The following MAP4 variants were observed in gnomAD, a reference collection of about 807,000 sequenced individuals.
MAP4 encodes the protein microtubule associated protein 4.
MAP4 carries 76 observed loss-of-function variants against 170.2 expected under a neutral mutation model. The observed-to-expected ratio is 0.45, with a 90% CI of 0.37 to 0.54. The LOEUF (loss-of-function observed/expected upper bound fraction) is 0.54. Among genes scored for constraint, MAP4 ranks in the 20% least tolerant of loss-of-function variants. The pLI is 0.00. For synonymous variants in MAP4, 909 were observed against 994.5 expected, an observed-to-expected ratio of 0.91 and a Z score of 1.62; for missense variants, 2,506 against 2,748.0, an observed-to-expected ratio of 0.91 and a Z score of 1.97.
At chr3:47,986,086 T>C (rs1486582147) in intron 2 of MAP4, among the ~76,000 whole-genome samples, 1 of 152,156 alleles carries the variant, frequency 6.6e-6, no homozygotes, top group Non-Finnish European at 1.5e-5. Context: ...GGGTACATGG[T>C]AGGTTCTTGG....
rs2100030923 is a variant in MAP4 at position 47,902,951 on chromosome 3, A to T, written c.5433T>A (p.Tyr1811Ter). Residue 1811 changes from tyrosine (Y) to a stop codon, truncating the protein, a stop_gained and splice_region_variant, in exon 10 of 21, where the codon TAT (tyrosine) becomes TAA (stop). Transcript: ENST00000683076. LOFTEE classifies it high-confidence loss of function. ...TVYQQLGMSVYGIARPEEGRP... is the reference protein window; with the variant it reads ...TVYQQLGMSV ...TTTCACACCAAGAGAGTTTCTCACCATAAACTGACATTCCCAGCTGCTGGT... is the reference window on the plus strand; with the variant it reads ...TTTCACACCAAGAGAGTTTCTCACCTTAAACTGACATTCCCAGCTGCTGGT... The T allele has an allele frequency of 1.0e-6, 1 of 984,944 alleles. No individual in the cohort carries two copies. Among genetic ancestry groups the T allele is most frequent in the Non-Finnish European group, 1.2e-6 (1 of 829,590 alleles). 61.0% of individuals were successfully genotyped at this position (984,944 alleles called of 1,614,324 possible).
chr3:47,869,239 C>T lies in MAP4; in HGVS notation c.6383G>A (p.Ser2128Asn), dbSNP rs1217836618. 6 of 1,613,770 alleles carry T rather than the reference C, an allele frequency of 3.7e-6. No homozygotes were observed. The highest frequency in any genetic ancestry group is 2.7e-5 in the African/African-American group (2 of 74,910). ...TTTCCCCGCAGGTTGTTTCTGTGCACTTGCAATTGGGCCGGCTGTTTTAGT... is the reference window on the plus strand; with the variant it reads ...TTTCCCCGCAGGTTGTTTCTGTGCATTTGCAATTGGGCCGGCTGTTTTAGT... ...AVTKTAGPIA[S>N]AQKQPAGKVQ... Residue 2128 changes from serine (S) to asparagine (N), a missense_variant, in exon 16 of 21, where the codon AGT becomes AAT. Physicochemically the swap from Ser to Asn is conservative, Grantham distance 46. Transcript: ENST00000683076.
intron 2 of MAP4, among the ~76,000 whole-genome samples, chr3:47,983,749 GC>G (rs2100086862): frequency 2.0e-5 from 3 of 152,006 alleles, no homozygotes; most frequent in African/African-American, 7.2e-5. Context: ...AAACTCCTGG[GC>G]TCAAGTGGTA....
chr3:48,028,970 C>T (rs2100114516), intron 1 of MAP4, among the ~76,000 whole-genome samples: 1 of 151,786 alleles, frequency 6.6e-6, no homozygotes, highest in Non-Finnish European at 1.5e-5. Flanking sequence ...TGGTGAACCC[C>T]TGCCTCGATA....
Position 47,911,549 on chromosome 3 carries a change from C to T in MAP4, c.2872G>A (p.Gly958Ser). 1 of 1,535,978 alleles carries T rather than the reference C, an allele frequency of 6.5e-7. No homozygotes were observed. Among genetic ancestry groups the T allele is most frequent in the East Asian group, 2.4e-5 (1 of 40,912 alleles). ...GCTGCTGTGGGTTTTGAAACTACAC[C>T]CATAACCTCTTGGTCCAAGAAAGGA... ...CSPFLDQEVM[G>S]VVSKPTAAKE... Residue 958 changes from glycine to serine, a missense_variant, in exon 9 of 21, where the codon GGT becomes AGT. Coordinates refer to ENST00000683076, the MANE Select transcript of MAP4 (RefSeq NM_001385682.1). The surrounding 1 kb of genome is among the most constrained non-coding windows in gnomAD (Gnocchi z 4.0).
rs59915035 is a variant in MAP4, at chr3:47,997,707, C to CAAAGAAAGAAAGAAAGAAAGAAAGAAAG, written c.223+903_223+930dup. 3.3e-5 allele frequency among the ~76,000 whole-genome samples: 5 copies of CAAAGAAAGAAAGAAAGAAAGAAAGAAAG among 149,798 alleles called. No individual in the cohort carries two copies. The East Asian group carries it at 9.7e-4, about 29-fold the overall frequency. ...TTGATAAACCTCTACCTAGACTTAT[C>CAAAGAAAGAAAGAAAGAAAGAAAGAAAG]AAAGAAAGAAAGAAAGAAAGAAAGA... is the stretch of plus-strand genomic sequence containing the variant. On this transcript the variant is annotated intron_variant, in intron 2 of 20. Coordinates refer to ENST00000683076, the MANE Select transcript of MAP4 (RefSeq NM_001385682.1).
intron 10 of MAP4, chr3:47,892,481 GA>G (rs957097820): frequency 6.5e-7 from 1 of 1,528,976 alleles, no homozygotes; most frequent in Non-Finnish European, 8.7e-7. Context: ...CTGCTTGTCT[GA>G]GAGCGACATC....
intron 2 of MAP4, among the ~76,000 whole-genome samples, chr3:47,983,298 T>C (rs1196658652): frequency 6.6e-6 from 1 of 152,150 alleles, no homozygotes; most frequent in Non-Finnish European, 1.5e-5. Flanking sequence ...AACCTCAAAA[T>C]GCTGGGTTCA....
chr3:48,071,743 G>C (rs1391853739), intron 1 of MAP4, among the ~76,000 whole-genome samples: 2 of 150,996 alleles, frequency 1.3e-5, no homozygotes, highest in Non-Finnish European at 3.0e-5. Flanking sequence ...GGGCTAATGT[G>C]GTGAAACCCC....
chr3:47,965,906 T>C (rs2100074603), intron 3 of MAP4, among the ~76,000 whole-genome samples: 1 of 152,186 alleles, frequency 6.6e-6, no homozygotes, highest in South Asian at 2.1e-4. Context: ...TGTTTTTTCT[T>C]TTGTCGTCTG....
chr3:48,028,747 A>G (rs1250763153), intron 1 of MAP4, among the ~76,000 whole-genome samples: 4 of 148,222 alleles, frequency 2.7e-5, no homozygotes, highest in South Asian at 2.2e-4. Context: ...ACTCCAGCCT[A>G]GGCAACAGAG....
chr3:47,895,592 C>T (rs1052923804), intron 10 of MAP4, among the ~76,000 whole-genome samples: 9 of 152,180 alleles, frequency 5.9e-5, no homozygotes, highest in Admixed American at 4.6e-4. Context: ...TGGAAAATAC[C>T]AAGGCAAAGA....
rs761397135 is a variant in MAP4, at chr3:47,851,282, AG to A, written c.*1651del. 7.4e-4 allele frequency: 112 copies of A among 152,336 alleles called. No individual in the cohort carries two copies. The highest frequency in any genetic ancestry group is 1.5e-3 in the Non-Finnish European group (104 of 68,042). 9.4% of individuals were successfully genotyped at this position (152,336 alleles called of 1,614,324 possible). The stretch of plus-strand genomic sequence containing the variant: ...TTTCCTGGTGTGTGCTTGGGGAGCT[AG>A]GGACATGGTGTCAAACCTCCACAAG... On this transcript the variant is annotated 3_prime_UTR_variant, in exon 21 of 21. Transcript: ENST00000683076.
At chr3:47,906,307 T>C (rs1559994811) in intron 9 of MAP4, among the ~76,000 whole-genome samples, 1 of 152,064 alleles carries the variant, frequency 6.6e-6, no homozygotes, top group Non-Finnish European at 1.5e-5. Context: ...CACATGAAGA[T>C]GACATCCTAT....
At chr3:47,981,796 A>G (rs944964863) in intron 2 of MAP4, among the ~76,000 whole-genome samples, 2 of 151,954 alleles carry the variant, frequency 1.3e-5, no homozygotes, top group Non-Finnish European at 2.9e-5. Flanking sequence ...ATTCCCATAT[A>G]TTTACCTATG....
intron 3 of MAP4, among the ~76,000 whole-genome samples, chr3:47,963,631 G>T (rs1041458988): frequency 6.6e-6 from 1 of 152,186 alleles, no homozygotes; most frequent in East Asian, 1.9e-4. Context: ...GAAACAAATA[G>T]ATATTAAAGA....
At chr3:47,891,977 G>A in intron 10 of MAP4, 1 of 1,536,298 alleles carries the variant, frequency 6.5e-7, no homozygotes, top group Non-Finnish European at 8.7e-7. Context: ...ATATCTGGTA[G>A]GGATGTCAGC....
intron 3 of MAP4, among the ~76,000 whole-genome samples, chr3:47,934,846 C>T (rs1559514848): frequency 6.6e-6 from 1 of 152,166 alleles, no homozygotes; most frequent in African/African-American, 2.4e-5. Flanking sequence ...TACTGTCAAT[C>T]GCTACTCCAG....
intron 3 of MAP4, among the ~76,000 whole-genome samples, chr3:47,969,436 G>A (rs1237684769): frequency 7.5e-6 from 1 of 133,272 alleles, no homozygotes; most frequent in Admixed American, 7.5e-5. Flanking sequence ...AAAAAAAAAA[G>A]GATTAGTACC....
Sources: allele counts gnomAD v4.1 joint callset (sites outside exome capture counted in the v4.1 genomes callset), GRCh38; gene constraint gnomAD v4.1.1; non-coding constraint Gnocchi (gnomAD v3.1); transcripts MANE v1.5; gene names NCBI Gene and HGNC (gene_info 2026-07-23, HGNC 2026-07-21).